Variants in ZNF487 observed in about 807,000 individuals in gnomAD.
The protein encoded by ZNF487 is zinc finger protein 487.
ZNF487 carries 4 observed loss-of-function variants against 3.0 expected under a neutral mutation model. The observed-to-expected ratio is 1.35, with a 90% CI of 0.66 to 3.08. The LOEUF (loss-of-function observed/expected upper bound fraction) is 3.08. Among genes scored for constraint, ZNF487 ranks in the 30% most tolerant of loss-of-function variants. The probability of loss-of-function intolerance (pLI) is 0.01; values close to 1 mark genes in which losing one functional copy is unlikely to be tolerated. For synonymous variants in ZNF487, 55 were observed against 34.6 expected (o/e 1.59, Z -2.06); for missense variants, 146 against 98.7 (o/e 1.48, Z -2.03).
chr10:43,506,418 C>T, the ZNF487 span, among the ~76,000 whole-genome samples: 1 of 152,084 alleles, frequency 6.6e-6, no homozygotes, highest in Admixed American at 6.6e-5. Flanking sequence ...GCAGGGTGAT[C>T]ACTTGGGCCC....
chr10:43,501,371 A>G, the ZNF487 span, among the ~76,000 whole-genome samples: 1 of 152,210 alleles, frequency 6.6e-6, no homozygotes, highest in Non-Finnish European at 1.5e-5. Flanking sequence ...CTTAGGCTAC[A>G]CTGTTTATAA....
the ZNF487 span, among the ~76,000 whole-genome samples, chr10:43,504,981 C>T: frequency 1.3e-5 from 2 of 152,098 alleles, no homozygotes; most frequent in South Asian, 4.1e-4. Flanking sequence ...GTTGGGATTA[C>T]AGGCGTGAGC....
intron 1 of ZNF487, among the ~76,000 whole-genome samples, chr10:43,469,046 A>AGAC (rs991516030): frequency 1.3e-5 from 2 of 150,866 alleles, no homozygotes; most frequent in African/African-American, 4.9e-5. Flanking sequence ...TCAGTGTGGC[A>AGAC]GACTTAATTG....
At chr10:43,515,843 C>T in the ZNF487 span, among the ~76,000 whole-genome samples, 3 of 152,238 alleles carry the variant, frequency 2.0e-5, no homozygotes, top group South Asian at 2.1e-4. Flanking sequence ...GGTGCAATCT[C>T]GGCTCACTGC....
the ZNF487 span, among the ~76,000 whole-genome samples, chr10:43,514,149 G>C: frequency 6.6e-6 from 1 of 152,048 alleles, no homozygotes; most frequent in South Asian, 2.1e-4. Context: ...TGTTTTTGTT[G>C]TTTGTTTTTG....
chr10:43,488,624 T>C, the ZNF487 span, among the ~76,000 whole-genome samples: 1 of 152,094 alleles, frequency 6.6e-6, no homozygotes, highest in African/African-American at 2.4e-5. Context: ...ACAAAAAATA[T>C]AGGGAGACTA....
At chr10:43,498,114 C>A in the ZNF487 span, among the ~76,000 whole-genome samples, 737 of 24,454 alleles carry the variant, frequency 0.03, 23 homozygotes, top group East Asian at 0.061. Context: ...TTTTTTTTTT[C>A]TTTTTTTTTT....
intron 1 of ZNF487, among the ~76,000 whole-genome samples, chr10:43,462,013 T>C (rs1589036637): frequency 6.6e-6 from 1 of 152,360 alleles, no homozygotes; most frequent in Admixed American, 6.5e-5. Flanking sequence ...ATCTCCAAGG[T>C]TGGTCTGTAG....
chr10:43,492,174 G>A, the ZNF487 span, among the ~76,000 whole-genome samples: 8 of 151,754 alleles, frequency 5.3e-5, no homozygotes, highest in African/African-American at 1.9e-4. Flanking sequence ...GCCAGTTTTT[G>A]TTGATGAAAT....
chr10:43,512,674 G>T, the ZNF487 span, among the ~76,000 whole-genome samples: 37 of 152,268 alleles, frequency 2.4e-4, no homozygotes, highest in African/African-American at 8.7e-4. Context: ...AGCACCATTG[G>T]ATCTGTTGGG....
the ZNF487 span, among the ~76,000 whole-genome samples, chr10:43,512,880 T>A: frequency 6.6e-6 from 1 of 152,102 alleles, no homozygotes; most frequent in African/African-American, 2.4e-5. Context: ...CTTTCTTGGT[T>A]GAAGGAATGG....
chr10:43,485,802 G>C (rs1314777813), downstream of ZNF487, among the ~76,000 whole-genome samples: 1 of 152,176 alleles, frequency 6.6e-6, no homozygotes, highest in Non-Finnish European at 1.5e-5. Context: ...GCCATTTTCT[G>C]GTGTTGCTGC....
the ZNF487 span, among the ~76,000 whole-genome samples, chr10:43,498,099 A>ATATATATATATATATTTT: frequency 9.9e-5 from 2 of 20,188 alleles, no homozygotes; most frequent in Admixed American, 9.0e-4. Context: ...ATATATATAT[A>ATATATATATATATATTTT]TTTTTTTTTT....
intron 1 of ZNF487, among the ~76,000 whole-genome samples, chr10:43,447,170 C>G (rs768921640): frequency 6.6e-6 from 1 of 151,680 alleles, no homozygotes; most frequent in African/African-American, 2.4e-5. Flanking sequence ...CGGTGGAAAG[C>G]GGGAGACGGA....
intron 1 of ZNF487, among the ~76,000 whole-genome samples, chr10:43,448,066 T>C (rs1839876247): frequency 7.0e-6 from 1 of 143,174 alleles, no homozygotes; most frequent in East Asian, 2.2e-4. Context: ...CTCGGCTTAC[T>C]GCAAGTTCCA....
chr10:43,452,554 C>CA (rs1443118582), intron 1 of ZNF487: 1 of 152,126 alleles, frequency 6.6e-6, no homozygotes, highest in Admixed American at 6.6e-5. Context: ...TGAGGAGTGC[C>CA]ACTGTGTTGC....
chr10:43,478,453 T>C (rs1841184199), intron 3 of ZNF487, among the ~76,000 whole-genome samples: 1 of 152,182 alleles, frequency 6.6e-6, no homozygotes, highest in African/African-American at 2.4e-5. Context: ...CTCGGGAGGC[T>C]GAGGCAGGAG....
In ZNF487 at chr10:43,477,197, C is replaced by G. The variant is rs902132725; in HGVS notation, c.130+995C>G. Among the ~76,000 whole-genome samples the G allele has an allele frequency of 4.8e-5, 7 of 147,316 alleles. No individual in the cohort carries two copies. In the South Asian group the frequency reaches 1.5e-3, roughly 32 times the overall value. Reference sequence around the variant, plus strand: ...CTTTCTTTTTTTTTTCTTTTTCTTTCTTTATTTCTTTTTTTTTTTGAGACA... The same window carrying G: ...CTTTCTTTTTTTTTTCTTTTTCTTTGTTTATTTCTTTTTTTTTTTGAGACA... On this transcript the variant is annotated intron_variant, in intron 3 of 3. Transcript: ENST00000437590.
chr10:43,437,806 CT>C (rs1250801178), intron 1 of ZNF487, among the ~76,000 whole-genome samples: 1 of 151,768 alleles, frequency 6.6e-6, no homozygotes, highest in Admixed American at 6.6e-5. Flanking sequence ...TGTGTTCTTC[CT>C]TCATTAGCTT....
Sources: allele counts gnomAD v4.1 joint callset (sites outside exome capture counted in the v4.1 genomes callset), GRCh38; gene constraint gnomAD v4.1.1; transcripts MANE v1.5; gene names NCBI Gene and HGNC (gene_info 2026-07-23, HGNC 2026-07-21).